GRIK2: variants seen among roughly 807,000 people sequenced by gnomAD.
The protein encoded by GRIK2 is glutamate receptor ionotropic, kainate 2.
A neutral mutation model predicts 100.3 loss-of-function variants in GRIK2; 32 were observed. That is an observed-to-expected ratio of 0.32 (90% confidence interval 0.24 to 0.43). The LOEUF (loss-of-function observed/expected upper bound fraction) is 0.43. Among genes scored for constraint, GRIK2 ranks in the 20% least tolerant of loss-of-function variants. The pLI is 1.00. For synonymous variants in GRIK2, 417 were observed against 389.4 expected (o/e 1.07, Z -0.83); for missense variants, 843 against 1,114.9 (o/e 0.76, Z 3.47).
At chr6:101,747,260 G>A (rs1776475358) in intron 7 of GRIK2, among the ~76,000 whole-genome samples, 1 of 152,174 alleles carries the variant, frequency 6.6e-6, no homozygotes, top group African/African-American at 2.4e-5. Context: ...TGCCTAGGAT[G>A]TCATGAATTC....
intron 14 of GRIK2, 112 bp from the exon 15 acceptor site, chr6:102,035,229 A>G: frequency 4.7e-6 from 2 of 425,812 alleles, no homozygotes; most frequent in East Asian, 3.4e-5. Flanking sequence ...TAAAAATTAT[A>G]TTAAGATGGT....
At chr6:101,821,940 G>C (rs1781981219) in intron 10 of GRIK2, among the ~76,000 whole-genome samples, 1 of 151,932 alleles carries the variant, frequency 6.6e-6, no homozygotes, top group South Asian at 2.1e-4. Flanking sequence ...ATGTTAACTT[G>C]TGCTTCTTGT....
chr6:101,418,323 G>C (rs2518184), intron 2 of GRIK2, among the ~76,000 whole-genome samples: 4,355 of 152,248 alleles, frequency 0.029, 126 homozygotes, highest in South Asian at 0.15. Context: ...CTTTCTGGCA[G>C]TGGATAAAAG....
At chr6:101,887,002 T>G (rs1026446103) in intron 11 of GRIK2, among the ~76,000 whole-genome samples, 1 of 151,114 alleles carries the variant, frequency 6.6e-6, no homozygotes, top group Non-Finnish European at 1.5e-5. Flanking sequence ...TTTTTTTTTT[T>G]GTATTTTAGT....
intron 4 of GRIK2, among the ~76,000 whole-genome samples, chr6:101,639,578 G>A (rs947584475): frequency 1.1e-4 from 16 of 151,534 alleles, no homozygotes; most frequent in Non-Finnish European, 1.8e-4. Context: ...GCGAGAGAGC[G>A]ACACTCCATC....
chr6:101,953,822 C>A (rs1422240420), intron 14 of GRIK2, among the ~76,000 whole-genome samples: 1 of 152,028 alleles, frequency 6.6e-6, no homozygotes, highest in Non-Finnish European at 1.5e-5. Context: ...TCAAAGGAGA[C>A]TTTTCCCAAC....
intron 2 of GRIK2, among the ~76,000 whole-genome samples, chr6:101,617,326 A>G (rs1779936021): frequency 6.6e-6 from 1 of 151,772 alleles, no homozygotes; most frequent in South Asian, 2.1e-4. Context: ...CATTTTTTGA[A>G]CTTTTTGAAC....
At chr6:101,676,416 A>G (rs1463277360) in intron 4 of GRIK2, among the ~76,000 whole-genome samples, 1 of 152,160 alleles carries the variant, frequency 6.6e-6, no homozygotes, top group Non-Finnish European at 1.5e-5. Flanking sequence ...GCACCATTAA[A>G]TACACTTATA....
At chr6:101,754,646 C>T (rs754054323) in intron 7 of GRIK2, among the ~76,000 whole-genome samples, 1 of 152,120 alleles carries the variant, frequency 6.6e-6, no homozygotes, top group African/African-American at 2.4e-5. Flanking sequence ...GTGATGAGTG[C>T]TATGTGAAGG....
At chr6:101,569,387 G>A (rs1463035553) in intron 2 of GRIK2, among the ~76,000 whole-genome samples, 3 of 151,706 alleles carry the variant, frequency 2.0e-5, no homozygotes, top group African/African-American at 7.3e-5. Context: ...TAAACTTTAT[G>A]ATCCAAACGG....
intron 7 of GRIK2, among the ~76,000 whole-genome samples, chr6:101,690,598 G>A (rs570800110): frequency 1.3e-5 from 2 of 151,754 alleles, no homozygotes; most frequent in East Asian, 3.9e-4. Context: ...TTTGCTCATG[G>A]CTCCTCATCA....
intron 7 of GRIK2, among the ~76,000 whole-genome samples, chr6:101,777,210 G>T (rs945327748): frequency 4.6e-5 from 7 of 152,190 alleles, no homozygotes; most frequent in Non-Finnish European, 8.8e-5. Context: ...CTGGGTCTGA[G>T]GGCATTTCTT....
At chr6:101,983,149 C>A (rs1285997840) in intron 14 of GRIK2, among the ~76,000 whole-genome samples, 1 of 151,778 alleles carries the variant, frequency 6.6e-6, no homozygotes. Flanking sequence ...AGTAAACTGA[C>A]AGTTTTAAAT....
intron 14 of GRIK2, among the ~76,000 whole-genome samples, chr6:102,004,139 TGA>T (rs1187273154): frequency 6.6e-6 from 1 of 151,544 alleles, no homozygotes; most frequent in African/African-American, 2.4e-5. Context: ...ACTCCGTTTT[TGA>T]GTTTTATTTA....
At chr6:101,576,593 T>TTG (rs58560127) in intron 2 of GRIK2, among the ~76,000 whole-genome samples, 30,180 of 151,934 alleles carry the variant, frequency 0.2, 5,408 homozygotes, top group African/African-American at 0.48. Flanking sequence ...GTGATACACA[T>TTG]GGCAAATATC....
At chr6:101,666,712 A>G (rs774700934) in intron 4 of GRIK2, among the ~76,000 whole-genome samples, 15 of 152,250 alleles carry the variant, frequency 9.9e-5, no homozygotes, top group Non-Finnish European at 2.2e-4. Context: ...TGGACTGGTA[A>G]GAGATATGCC....
Position 101,393,807 on chromosome 6 carries a change from C to T in GRIK2, c.-324C>T, listed in dbSNP as rs1774894741. ...GCTCCTCCCCGAGGACCACCCCACC[C>T]CCTCCCCGCCCACCTCACCCCTAGC... On this transcript the variant is annotated 5_prime_UTR_variant, in exon 1 of 17. Transcript: ENST00000369134. Among the ~76,000 whole-genome samples, 1 of 152,064 alleles carries T rather than the reference C, an allele frequency of 6.6e-6. No individual in the cohort carries two copies. Among genetic ancestry groups the T allele is most frequent in the African/African-American group, 2.4e-5 (1 of 41,452 alleles).
At chr6:101,524,881 G>GACA (rs896306067) in intron 2 of GRIK2, among the ~76,000 whole-genome samples, 2 of 151,960 alleles carry the variant, frequency 1.3e-5, no homozygotes, top group African/African-American at 4.8e-5. Flanking sequence ...ACAGGCACCT[G>GACA]ACACTACGCC....
chr6:102,012,123 C>CT (rs201392722), intron 14 of GRIK2, among the ~76,000 whole-genome samples: 8 of 151,732 alleles, frequency 5.3e-5, no homozygotes, highest in African/African-American at 1.9e-4. Flanking sequence ...TTTGTATTGC[C>CT]TTTTTTCCTC....
Sources: gnomAD v4.1 joint callset for allele counts (sites outside exome capture counted in the v4.1 genomes callset) on GRCh38, gnomAD v4.1.1 for gene constraint, MANE v1.5 for transcripts, NCBI Gene and HGNC (gene_info 2026-07-23, HGNC 2026-07-21) for gene names.